Variants in R3HDM4 observed in about 807,000 individuals in gnomAD.
R3HDM4 encodes R3H domain-containing protein 4.
R3HDM4 carries 30 observed loss-of-function variants against 31.3 expected under a neutral mutation model. The ratio of observed to expected loss-of-function variants is 0.96; its 90% CI spans 0.72 to 1.30. The LOEUF (loss-of-function observed/expected upper bound fraction) is 1.30, where lower values mean the gene tolerates loss of function less well. R3HDM4 is among the 50% of genes most tolerant of loss of function. The pLI is 0.00. For missense variants in R3HDM4, 444 were observed against 366.1 expected, an observed-to-expected ratio of 1.21 and a Z score of -1.74; for synonymous variants, 196 against 156.6, an observed-to-expected ratio of 1.25 and a Z score of -1.88.
In R3HDM4 at chr19:901,085, C is replaced by T. The variant is rs1599357914; in HGVS notation, c.352-133G>A. The stretch of plus-strand genomic sequence containing the variant: ...CGGTCACCTCTGTCCACTGAGGGGC[C>T]GCTGCTTGTGTCGGGCCCTGAGCTG... On this transcript the variant is annotated intron_variant, in intron 3 of 7. Coordinates refer to ENST00000361574, the MANE Select transcript of R3HDM4 (RefSeq NM_138774.4). 11 of 1,193,026 alleles carry T rather than the reference C, an allele frequency of 9.2e-6. No individual in the cohort carries two copies. In the South Asian group the frequency reaches 1.8e-4, roughly 20 times the overall value. 73.9% of individuals were successfully genotyped at this position (1,193,026 alleles called of 1,614,324 possible). A position where few individuals can be genotyped will look rare whatever the true frequency, so the allele number is the denominator to read the frequency against.
chr19:905,675 ACT>A (rs1315881320), intron 1 of R3HDM4, among the ~76,000 whole-genome samples: 1 of 144,084 alleles, frequency 6.9e-6, no homozygotes, highest in African/African-American at 2.7e-5. Flanking sequence ...ACAGAGCAAG[ACT>A]CTGTCTCAAA....
chr19:911,415 G>C (rs1038876080), intron 1 of R3HDM4, among the ~76,000 whole-genome samples: 3 of 152,246 alleles, frequency 2.0e-5, no homozygotes, highest in Admixed American at 6.5e-5. Context: ...CTGCACTCCA[G>C]CCTGGGCGAT....
rs149744747 is a variant in R3HDM4, at chr19:899,561, C to T, written c.647+40G>A. On this transcript the variant is annotated intron_variant, in intron 6 of 7. Transcript: ENST00000361574. The surrounding 1 kb of genome is among the most constrained non-coding windows in gnomAD (Gnocchi z 6.8). ...CGTGGGGTGTCCGCCCACCTGGCCG[C>T]AGCCTCGGAGGGTCCGCTCGCCTGG... The T allele has an allele frequency of 1.9e-5, 30 of 1,612,410 alleles. No individual in the cohort carries two copies. In the African/African-American group the frequency reaches 4.0e-4, roughly 21 times the overall value.
At position 899,622 on chromosome 19, in the gene R3HDM4, T is replaced by A. The variant is rs2145282531; in HGVS notation, c.626A>T (p.Tyr209Phe). The change falls in exon 6 of 8, where the codon TAC becomes TTC. Residue 209 changes from tyrosine to phenylalanine, a missense_variant. Tyr to Phe is a conservative substitution (Grantham distance 22). Transcript: ENST00000361574. The surrounding 1 kb of genome is among the most constrained non-coding windows in gnomAD (Gnocchi z 6.8). ...TTACCTGTTGTCTAGCATTGCTGTG[T>A]ACACGGCCTGGGGGGACACGGAGAA... ...RFFSVSPQAV[Y>F]TAMLDNSFER... 1 of 1,611,760 alleles carries A rather than the reference T, an allele frequency of 6.2e-7. No homozygotes were observed. The highest frequency in any genetic ancestry group is 2.2e-5 in the East Asian group (1 of 44,850).
chr19:898,514 C>T (rs951244977), intron 7 of R3HDM4, among the ~76,000 whole-genome samples: 1 of 151,106 alleles, frequency 6.6e-6, no homozygotes, highest in African/African-American at 2.4e-5. Context: ...GCAGGAGAAT[C>T]GCTTGAACCC....
At chr19:902,481 A>T (rs951073479) in intron 1 of R3HDM4, 8 of 203,688 alleles carry the variant, frequency 3.9e-5, no homozygotes, top group Admixed American at 1.6e-4. Flanking sequence ...ACAAAAAAAA[A>T]TAATAATTAA....
At chr19:906,745 A>G (rs2036910006) in intron 1 of R3HDM4, among the ~76,000 whole-genome samples, 1 of 151,764 alleles carries the variant, frequency 6.6e-6, no homozygotes, top group Non-Finnish European at 1.5e-5. Context: ...ATTTCCTGTC[A>G]CCTGTGCTGT....
At chr19:905,362 A>C (rs1157502291) in intron 1 of R3HDM4, among the ~76,000 whole-genome samples, 2 of 150,842 alleles carry the variant, frequency 1.3e-5, no homozygotes, top group Non-Finnish European at 3.0e-5. Flanking sequence ...AAAATTAGCC[A>C]GGCATGGTGA....
intron 1 of R3HDM4, 42 bp from the exon 2 acceptor site, chr19:902,172 C>T (rs779602479): frequency 1.2e-6 from 2 of 1,604,112 alleles, no homozygotes; most frequent in Non-Finnish European, 8.5e-7. Context: ...TCAAGGCCGG[C>T]CAGGATCTCC....
chr19:901,530 G>T lies in R3HDM4; in HGVS notation c.243C>A (p.Thr81=), dbSNP rs201753248. Residue 81 remains threonine, a synonymous_variant, in exon 3 of 8, where the codon ACC becomes ACA. Transcript: ENST00000361574. ...QRLENTQYLL[T]LLETDGGLPG... is the part of the protein sequence containing the mutation. The stretch of plus-strand genomic sequence containing the variant: ...GCAGGCCCCCGTCTGTCTCCAGCAG[G>T]GTCAGGAGGTACTGGGCTAGGTGGA... 1.2e-6 allele frequency: 2 copies of T among 1,606,626 alleles called. No individual in the cohort carries two copies. The highest frequency in any genetic ancestry group is 2.2e-5 in the East Asian group (1 of 44,848).
intron 1 of R3HDM4, among the ~76,000 whole-genome samples, chr19:909,030 A>G (rs759695960): frequency 6.6e-6 from 1 of 152,200 alleles, no homozygotes; most frequent in Non-Finnish European, 1.5e-5. Flanking sequence ...GCCACTCAAC[A>G]AGACCACTTT....
At position 897,540 on chromosome 19, in the gene R3HDM4, C is replaced by T. The variant is rs367738265; in HGVS notation, c.704G>A (p.Ser235Asn). 2 of 1,608,218 alleles carry T rather than the reference C, an allele frequency of 1.2e-6. No individual in the cohort carries two copies. Among genetic ancestry groups the T allele is most frequent in the Non-Finnish European group, 1.7e-6 (2 of 1,177,524 alleles). Reference protein sequence around the residue: ...VCQYMDLISASADLEGKRQMK... With the variant: ...VCQYMDLISANADLEGKRQMK... ...CTGCCGCTTCCCCTCCAGGTCAGCA[C>T]CTGCAGACGGGACCAGCGGGGCAAG... is the stretch of plus-strand genomic sequence containing the variant. The change falls in exon 8 of 8, where the codon AGT (serine) becomes AAT (asparagine). Residue 235 changes from serine (S) to asparagine (N), a missense_variant and splice_region_variant. Physicochemically the swap from Ser to Asn is conservative, Grantham distance 46 (BLOSUM62 1). Transcript: ENST00000361574.
rs1165732712 is a variant in R3HDM4, at chr19:913,045, C to CG, written c.71+41_71+42insC. The CG allele has an allele frequency of 6.4e-6, 5 of 780,310 alleles. No homozygotes were observed. The highest frequency in any genetic ancestry group is 7.7e-6 in the Non-Finnish European group (5 of 647,692). The allele number at this position is 780,310 out of a possible 1,614,324, so 48.3% of individuals were successfully genotyped here. A position where few individuals can be genotyped will look rare whatever the true frequency, so the allele number is the denominator to read the frequency against. Reference sequence around the variant, plus strand: ...GAGGATCTCAGGGGAGGGAGCCCAGCCCGCCCCCGGCGCCCGCCGCGCCCC... The same window carrying CG: ...GAGGATCTCAGGGGAGGGAGCCCAGCGCCGCCCCCGGCGCCCGCCGCGCCCC... On this transcript the variant is annotated intron_variant, in intron 1 of 7. Transcript: ENST00000361574. The surrounding 1 kb of genome is among the most constrained non-coding windows in gnomAD (Gnocchi z 5.0).
chr19:899,212 G>C lies in R3HDM4; in HGVS notation c.703+228C>G, dbSNP rs2036789482. ...GATGGAGGAGTGTCTGTGTCCAGCA[G>C]CCTGGTTGTGTCTGCGGTCACCCTG... On this transcript the variant is annotated intron_variant, in intron 7 of 7. Coordinates refer to ENST00000361574, the MANE Select transcript of R3HDM4 (RefSeq NM_138774.4). The surrounding 1 kb of genome is among the most constrained non-coding windows in gnomAD (Gnocchi z 6.8). Among the ~76,000 whole-genome samples, 1 of 152,122 alleles carries C rather than the reference G, an allele frequency of 6.6e-6. No individual in the cohort carries two copies. The highest frequency in any genetic ancestry group is 6.5e-5 in the Admixed American group (1 of 15,270).
At position 897,415 on chromosome 19, in the gene R3HDM4, C is replaced by T. The variant is rs377418002; in HGVS notation, c.*22G>A. On this transcript the variant is annotated 3_prime_UTR_variant, in exon 8 of 8. Transcript: ENST00000361574. ...GCTTGATGGCTGGGCGAGGTGGCAGCGGGGTCTCCGCGGGGCCGCCATCAG... is the reference window on the plus strand; with the variant it reads ...GCTTGATGGCTGGGCGAGGTGGCAGTGGGGTCTCCGCGGGGCCGCCATCAG... 4.0e-5 allele frequency: 62 copies of T among 1,541,110 alleles called. No individual in the cohort carries two copies. In the African/African-American group the frequency reaches 5.8e-4, roughly 14 times the overall value.
chr19:906,694 G>GT (rs1406281551), intron 1 of R3HDM4, among the ~76,000 whole-genome samples: 2 of 152,130 alleles, frequency 1.3e-5, no homozygotes, highest in African/African-American at 4.8e-5. Context: ...GCTTTTGATC[G>GT]TAAGTGTCGC....
chr19:901,630 C>T, intron 2 of R3HDM4, 84 bp from the exon 3 acceptor site: 2 of 1,519,672 alleles, frequency 1.3e-6, no homozygotes. Flanking sequence ...TAGCCTTCCT[C>T]CTTTTTTATC....
rs2930885 is a variant in R3HDM4, at chr19:899,567, C to T, written c.647+34G>A. 7 of 1,611,598 alleles carry T rather than the reference C, an allele frequency of 4.3e-6. No homozygotes were observed. The highest frequency in any genetic ancestry group is 2.2e-5 in the South Asian group (2 of 91,000). On this transcript the variant is annotated intron_variant, in intron 6 of 7. Transcript: ENST00000361574. This position sits in a 1 kb window ranked among gnomAD's most constrained non-coding sequence, Gnocchi z 6.8. ...GTGTCCGCCCACCTGGCCGCAGCCT[C>T]GGAGGGTCCGCTCGCCTGGCCGCCC...
intron 1 of R3HDM4, among the ~76,000 whole-genome samples, chr19:912,613 C>T (rs1256677467): frequency 1.4e-5 from 1 of 69,036 alleles, no homozygotes; most frequent in Admixed American, 2.0e-4. Context: ...GAGTCGGACC[C>T]GGGAAGTGGG....
Sources: allele counts gnomAD v4.1 joint callset (sites outside exome capture counted in the v4.1 genomes callset), GRCh38; gene constraint gnomAD v4.1.1; non-coding constraint Gnocchi (gnomAD v3.1); transcripts MANE v1.5; gene names NCBI Gene and HGNC (gene_info 2026-07-23, HGNC 2026-07-21).